Variants in PCDH15 observed in about 807,000 individuals in gnomAD.
The protein encoded by PCDH15 is protocadherin-15.
In PCDH15, 129 loss-of-function variants were observed where a neutral mutation model predicts 178.5. The observed-to-expected ratio is 0.72, with a 90% CI of 0.63 to 0.84. PCDH15 has a LOEUF of 0.84. Among genes scored for constraint, PCDH15 ranks in the 40% least tolerant of loss-of-function variants. PCDH15 has a pLI of 0.00. For missense variants in PCDH15, 2,230 were observed against 2,099.9 expected, an observed-to-expected ratio of 1.06 and a Z score of -1.21; for synonymous variants, 800 against 732.0, an observed-to-expected ratio of 1.09 and a Z score of -1.50.
At chr10:55,064,114 G>A (rs895216195) in intron 2 of PCDH15, among the ~76,000 whole-genome samples, 1 of 152,062 alleles carries the variant, frequency 6.6e-6, no homozygotes, top group East Asian at 1.9e-4. Flanking sequence ...GAAAATATTA[G>A]TCACCATAAA....
intron 23 of PCDH15, among the ~76,000 whole-genome samples, chr10:53,957,504 T>A (rs114467101): frequency 0.092 from 1,601 of 17,344 alleles, 31 homozygotes; most frequent in African/African-American, 0.21. Context: ...ATTTACTATG[T>A]TTTTTTTTTT....
chr10:54,423,797 T>C (rs1342005028), intron 3 of PCDH15, among the ~76,000 whole-genome samples: 3 of 151,768 alleles, frequency 2.0e-5, no homozygotes, highest in African/African-American at 7.3e-5. Flanking sequence ...GGGTTGAAAA[T>C]GTGCTCTAGC....
At position 53,806,805 on chromosome 10, in the gene PCDH15, G is replaced by T; in HGVS notation, c.4997C>A (p.Ala1666Glu). ...KGPFSTEKMNARPTLVTFAPC... is the reference protein window; with the variant it reads ...KGPFSTEKMNERPTLVTFAPC... Reference sequence around the variant, plus strand: ...GGCAAATGTAACCAGAGTTGGTCTTGCATTCATTTTTTCAGTAGAAAATGG... The same window carrying T: ...GGCAAATGTAACCAGAGTTGGTCTTTCATTCATTTTTTCAGTAGAAAATGG... Residue 1666 changes from alanine to glutamate, a missense_variant, in exon 38 of 38, where the codon GCA becomes GAA. Physicochemically the swap from Ala to Glu is moderately radical, Grantham distance 107. Coordinates refer to ENST00000644397, the MANE Select transcript of PCDH15 (RefSeq NM_001384140.1). 1 of 1,613,810 alleles carries T rather than the reference G, an allele frequency of 6.2e-7. No individual in the cohort carries two copies. The highest frequency in any genetic ancestry group is 1.3e-5 in the African/African-American group (1 of 74,976).
intron 2 of PCDH15, among the ~76,000 whole-genome samples, chr10:54,647,203 C>A (rs991628084): frequency 6.6e-6 from 1 of 151,948 alleles, no homozygotes; most frequent in Non-Finnish European, 1.5e-5. Context: ...CATGGATAAA[C>A]TTTGAAGACA....
chr10:53,821,621 T>C, intron 32 of PCDH15: 2 of 1,250,908 alleles, frequency 1.6e-6, no homozygotes, highest in East Asian at 3.6e-5. Context: ...ACTTTTCAAA[T>C]AAATGTAGAA....
intron 3 of PCDH15, among the ~76,000 whole-genome samples, chr10:54,891,341 T>C (rs1051024196): frequency 6.6e-6 from 1 of 152,070 alleles, no homozygotes; most frequent in Non-Finnish European, 1.5e-5. Flanking sequence ...GGCCACTGTA[T>C]TGGGAGAGCA....
chr10:54,368,968 A>G lies in PCDH15; in HGVS notation c.474+152T>C, dbSNP rs192516543. 1.1e-4 allele frequency: 82 copies of G among 769,228 alleles called. No homozygotes were observed. In the African/African-American group the frequency reaches 1.3e-3, roughly 13 times the overall value. The allele number at this position is 769,228 out of a possible 1,614,324, so 47.7% of individuals were successfully genotyped here. On this transcript the variant is annotated intron_variant, in intron 5 of 37. Coordinates refer to ENST00000644397, the MANE Select transcript of PCDH15 (RefSeq NM_001384140.1). ...CCTAAAATAACATCGGAAGTCACAT[A>G]CTTCTTCTGAGTACTATTTTTTTAA...
chr10:55,333,640 T>C (rs915874389), intron 2 of PCDH15, among the ~76,000 whole-genome samples: 1 of 152,108 alleles, frequency 6.6e-6, no homozygotes, highest in African/African-American at 2.4e-5. Flanking sequence ...GGATGTTATT[T>C]GATGTATTAA....
intron 3 of PCDH15, among the ~76,000 whole-genome samples, chr10:54,844,067 A>G (rs193097099): frequency 9.9e-5 from 15 of 152,140 alleles, no homozygotes; most frequent in Admixed American, 3.9e-4. Context: ...TAAGAAAGGC[A>G]TGATTTAAAA....
At position 54,366,715 on chromosome 10, in the gene PCDH15, G is replaced by GT. The variant is rs201995767; in HGVS notation, c.474+2404dup. Among the ~76,000 whole-genome samples the GT allele has an allele frequency of 8.6e-3, 1,253 of 145,416 alleles. 6 individuals carry two copies. Among genetic ancestry groups the GT allele is most frequent in the Middle Eastern group, 0.03 (8 of 264 alleles). On this transcript the variant is annotated intron_variant, in intron 5 of 37. Transcript: ENST00000644397. ...TGCTATTTCAAGCTTTAAATGCACT[G>GT]TTTTTTTTTTCAAGAAAGTAAATAT...
intron 1 of PCDH15, among the ~76,000 whole-genome samples, chr10:55,307,430 G>A (rs1237362306): frequency 1.3e-5 from 2 of 151,612 alleles, no homozygotes; most frequent in African/African-American, 4.8e-5. Context: ...GTGAACCCGG[G>A]AGGCTGAGCT....
intron 1 of PCDH15, among the ~76,000 whole-genome samples, chr10:54,707,556 G>A (rs2095378025): frequency 6.6e-6 from 1 of 152,018 alleles, no homozygotes; most frequent in Non-Finnish European, 1.5e-5. Flanking sequence ...AATTAAAATA[G>A]TAAAAATAAA....
rs541011683 is a variant in PCDH15, at chr10:54,844,483, A to C, written c.-29+52967T>G. On this transcript the variant is annotated intron_variant, in intron 3 of 5. Transcript: ENST00000458638. ...CCCTCACTCTTGCTTTGATGGATTC[A>C]CATATATGCTTTCCCTCACTCCTGC... 6.6e-5 allele frequency among the ~76,000 whole-genome samples: 10 copies of C among 151,982 alleles called. No homozygotes were observed. In the East Asian group the frequency reaches 1.9e-3, roughly 29 times the overall value.
At chr10:55,570,587 TA>T (rs1842390540) in intron 2 of PCDH15, among the ~76,000 whole-genome samples, 1 of 152,000 alleles carries the variant, frequency 6.6e-6, no homozygotes, top group Admixed American at 6.6e-5. Flanking sequence ...TCAAAGAGCA[TA>T]AAATCTGATT....
At chr10:54,117,835 T>G (rs921233951) in intron 15 of PCDH15, among the ~76,000 whole-genome samples, 1 of 152,110 alleles carries the variant, frequency 6.6e-6, no homozygotes, top group African/African-American at 2.4e-5. Flanking sequence ...CAAGTTGTTA[T>G]GTCATTTGCT....
At chr10:55,412,431 G>C (rs989196484) in intron 2 of PCDH15, among the ~76,000 whole-genome samples, 1 of 151,954 alleles carries the variant, frequency 6.6e-6, no homozygotes, top group African/African-American at 2.4e-5. Flanking sequence ...AAGCATGCCT[G>C]CATATGTGCA....
At chr10:55,545,001 A>T (rs998225325) in intron 2 of PCDH15, among the ~76,000 whole-genome samples, 1 of 152,118 alleles carries the variant, frequency 6.6e-6, no homozygotes, top group Non-Finnish European at 1.5e-5. Flanking sequence ...CTCAAGAAAC[A>T]CTTTATAGGT....
At chr10:53,814,979 A>AAAT (rs386371394) in intron 35 of PCDH15, among the ~76,000 whole-genome samples, 1 of 151,792 alleles carries the variant, frequency 6.6e-6, no homozygotes, top group Non-Finnish European at 1.5e-5. Flanking sequence ...AAAAAAAAAA[A>AAAT]AATCGAGTAA....
chr10:54,628,700 T>C (rs2093623875), intron 2 of PCDH15, among the ~76,000 whole-genome samples: 1 of 152,146 alleles, frequency 6.6e-6, no homozygotes, highest in Admixed American at 6.6e-5. Context: ...TGTCAAGTAT[T>C]GTTTTGGGTG....
Sources: allele counts gnomAD v4.1 joint callset (sites outside exome capture counted in the v4.1 genomes callset), GRCh38; gene constraint gnomAD v4.1.1; transcripts MANE v1.5; gene names NCBI Gene and HGNC (gene_info 2026-07-23, HGNC 2026-07-21).